Variants in FBN1 observed in about 807,000 individuals in gnomAD.
FBN1 encodes fibrillin-1.
A neutral mutation model predicts 365.1 loss-of-function variants in FBN1; 29 were observed. The observed-to-expected ratio is 0.08, with a 90% confidence interval of 0.06 to 0.11. FBN1 has a LOEUF of 0.11. Ranked by LOEUF, FBN1 falls within the 10% of genes least tolerant of loss-of-function variation. The pLI, the probability that FBN1 is intolerant of heterozygous loss-of-function variation, is 1.00. For missense variants in FBN1, 2,476 were observed against 3,703.2 expected (o/e 0.67, Z 8.60); for synonymous variants, 1,210 against 1,270.5 (o/e 0.95, Z 1.01).
intron 7 of FBN1, among the ~76,000 whole-genome samples, chr15:48,536,301 T>G (rs1404033696): frequency 2.0e-5 from 3 of 152,208 alleles, no homozygotes; most frequent in African/African-American, 4.8e-5. Context: ...GATCCAGATT[T>G]ATGAAACGAA....
intron 6 of FBN1, among the ~76,000 whole-genome samples, chr15:48,567,891 T>C (rs2044269067): frequency 1.3e-5 from 2 of 152,058 alleles, no homozygotes; most frequent in South Asian, 4.1e-4. Context: ...TTCTTTCTAA[T>C]ATCAGGAGCA....
At chr15:48,543,847 C>T (rs966850608) in intron 6 of FBN1, among the ~76,000 whole-genome samples, 1 of 152,166 alleles carries the variant, frequency 6.6e-6, no homozygotes, top group African/African-American at 2.4e-5. Context: ...ATTGTGGTTA[C>T]ATACAAGAAT....
intron 6 of FBN1, among the ~76,000 whole-genome samples, chr15:48,563,470 A>G (rs1203420885): frequency 1.3e-5 from 2 of 152,196 alleles, no homozygotes; most frequent in Admixed American, 1.3e-4. Context: ...TGTTTTGAAC[A>G]AACAGATTGA....
At chr15:48,557,932 G>T (rs1275905780) in intron 6 of FBN1, among the ~76,000 whole-genome samples, 1 of 152,176 alleles carries the variant, frequency 6.6e-6, no homozygotes, top group Non-Finnish European at 1.5e-5. Flanking sequence ...AAGGCTTGAG[G>T]TCTGAATAAG....
chr15:48,497,789 C>G lies in FBN1; in HGVS notation c.2168-398G>C, dbSNP rs74900801. The stretch of plus-strand genomic sequence containing the variant: ...TACCCTGCACTACTCTACACTGCAA[C>G]CATTCTTACCATCCTAAAAACAAGG... On this transcript the variant is annotated intron_variant, in intron 18 of 65. Coordinates refer to ENST00000316623, the MANE Select transcript of FBN1 (RefSeq NM_000138.5). Among the ~76,000 whole-genome samples the G allele has an allele frequency of 5.3e-5, 8 of 152,328 alleles. No homozygotes were observed. The East Asian group carries it at 1.5e-3, about 29-fold the overall frequency.
At chr15:48,483,477 T>C (rs2043482037) in intron 31 of FBN1, among the ~76,000 whole-genome samples, 1 of 152,238 alleles carries the variant, frequency 6.6e-6, no homozygotes, top group South Asian at 2.1e-4. Context: ...TTGTCAGAAG[T>C]AAATTTTGTT....
At chr15:48,433,188 C>T (rs1009392019) in intron 54 of FBN1, among the ~76,000 whole-genome samples, 200 bp from the exon 55 acceptor site, 2 of 152,172 alleles carry the variant, frequency 1.3e-5, no homozygotes, top group African/African-American at 2.4e-5. Context: ...CAGAGTGACT[C>T]TCCATCCCGG....
intron 45 of FBN1, 82 bp downstream of exon 45, chr15:48,452,480 T>C (rs2043208515): frequency 6.6e-7 from 1 of 1,507,250 alleles, no homozygotes; most frequent in Non-Finnish European, 9.2e-7. Context: ...AGCTTAACTA[T>C]CTGAAAATAA....
chr15:48,572,635 C>T (rs1046750300), intron 6 of FBN1, among the ~76,000 whole-genome samples: 6 of 151,696 alleles, frequency 4.0e-5, no homozygotes, highest in Admixed American at 3.3e-4. Context: ...AGAAAGTGTA[C>T]AAGTAAAATC....
chr15:48,413,072 G>A (rs1298137223), intron 64 of FBN1, among the ~76,000 whole-genome samples: 12 of 152,210 alleles, frequency 7.9e-5, no homozygotes, highest in Admixed American at 7.9e-4. Context: ...GAGAATAGTA[G>A]ATGAGGGAGG....
intron 6 of FBN1, among the ~76,000 whole-genome samples, chr15:48,572,638 G>C (rs2044315207): frequency 6.6e-6 from 1 of 151,650 alleles, no homozygotes; most frequent in African/African-American, 2.4e-5. Context: ...AAGTGTACAA[G>C]TAAAATCTAC....
intron 2 of FBN1, among the ~76,000 whole-genome samples, chr15:48,638,655 A>C (rs1890143065): frequency 1.3e-5 from 2 of 149,598 alleles, no homozygotes; most frequent in African/African-American, 2.5e-5. Flanking sequence ...CTGCAATTTA[A>C]TGTAAAAAAT....
chr15:48,412,288 T>C (rs915483063), intron 65 of FBN1, among the ~76,000 whole-genome samples: 3 of 152,190 alleles, frequency 2.0e-5, no homozygotes, highest in Non-Finnish European at 4.4e-5. Context: ...TCAGACCTTA[T>C]CCTTTCAGCA....
chr15:48,472,329 C>G (rs190604453), intron 35 of FBN1, among the ~76,000 whole-genome samples: 1 of 152,104 alleles, frequency 6.6e-6, no homozygotes, highest in Non-Finnish European at 1.5e-5. Context: ...GCGGCCAAGG[C>G]TGGATGTACA....
chr15:48,420,828 C>A, intron 62 of FBN1, 22 bp from the exon 63 acceptor site: 1 of 1,612,718 alleles, frequency 6.2e-7, no homozygotes, highest in Non-Finnish European at 8.5e-7. Context: ...GCAGAGCCAC[C>A]ATGATGCCAA....
chr15:48,494,403 T>C lies in FBN1; in HGVS notation c.2678-149A>G. On this transcript the variant is annotated intron_variant, in intron 22 of 65. Coordinates refer to ENST00000316623, the MANE Select transcript of FBN1 (RefSeq NM_000138.5). Reference sequence around the variant, plus strand: ...CTATAAGTATGAGATAACAAAATGTTTCTGCGATTGCATAGGTGAGGAAGA... The same window carrying C: ...CTATAAGTATGAGATAACAAAATGTCTCTGCGATTGCATAGGTGAGGAAGA... 4.4e-6 allele frequency: 3 copies of C among 686,016 alleles called. No individual in the cohort carries two copies. In the South Asian group the frequency reaches 4.8e-5, roughly 11 times the overall value. 42.5% of individuals were successfully genotyped at this position (686,016 alleles called of 1,614,324 possible).
chr15:48,467,492 A>G (rs2043332406), intron 38 of FBN1, among the ~76,000 whole-genome samples: 1 of 152,230 alleles, frequency 6.6e-6, no homozygotes, highest in Admixed American at 6.5e-5. Context: ...CATATGCTAA[A>G]GCCTTCTTTC....
intron 6 of FBN1, among the ~76,000 whole-genome samples, chr15:48,552,036 G>A (rs1248261333): frequency 6.6e-6 from 1 of 152,092 alleles, no homozygotes; most frequent in East Asian, 1.9e-4. Context: ...TGGTATTGCT[G>A]GGTCAAATGG....
intron 6 of FBN1, among the ~76,000 whole-genome samples, chr15:48,540,322 A>G (rs1345962881): frequency 6.6e-6 from 1 of 152,224 alleles, no homozygotes; most frequent in Non-Finnish European, 1.5e-5. Flanking sequence ...ATATTATCGT[A>G]CGTAAGATTT....
Sources: gnomAD v4.1 joint callset for allele counts (sites outside exome capture counted in the v4.1 genomes callset) on GRCh38, gnomAD v4.1.1 for gene constraint, MANE v1.5 for transcripts, NCBI Gene and HGNC (gene_info 2026-07-23, HGNC 2026-07-21) for gene names.